The following PPP1R12A variants were observed in gnomAD, a reference collection of about 807,000 sequenced individuals.
PPP1R12A encodes the protein protein phosphatase 1 regulatory subunit 12A, also known as myosin binding subunit.
PPP1R12A carries 19 observed loss-of-function variants against 139.6 expected under a neutral mutation model. That is an observed-to-expected ratio of 0.14 (90% CI 0.09 to 0.20). PPP1R12A has a LOEUF of 0.20. Among genes scored for constraint, PPP1R12A ranks in the 10% least tolerant of loss-of-function variants. The probability of loss-of-function intolerance (pLI) is 1.00; values close to 1 mark genes in which losing one functional copy is unlikely to be tolerated. For missense variants in PPP1R12A, 925 were observed against 1,211.5 expected (o/e 0.76, Z 3.51); for synonymous variants, 427 against 420.6 (o/e 1.02, Z -0.19).
intron 1 of PPP1R12A, among the ~76,000 whole-genome samples, chr12:79,876,509 G>C (rs192318474): frequency 6.6e-6 from 1 of 152,166 alleles, no homozygotes; most frequent in Non-Finnish European, 1.5e-5. Context: ...TCACAGAGAT[G>C]CTCAGGTTCC....
At chr12:79,933,746 C>T (rs1036006654) in intron 1 of PPP1R12A, among the ~76,000 whole-genome samples, 1 of 152,204 alleles carries the variant, frequency 6.6e-6, no homozygotes, top group Non-Finnish European at 1.5e-5. Context: ...CCAATAGTTT[C>T]TCCTTATTTG....
intron 19 of PPP1R12A, among the ~76,000 whole-genome samples, chr12:79,790,853 T>TACTC (rs1346649860): frequency 6.6e-6 from 1 of 152,190 alleles, no homozygotes; most frequent in Admixed American, 6.5e-5. Context: ...TCTATTGAAA[T>TACTC]ACTCACTGAT....
chr12:79,837,877 T>A (rs1049347528), intron 3 of PPP1R12A, among the ~76,000 whole-genome samples: 10 of 152,234 alleles, frequency 6.6e-5, no homozygotes, highest in Non-Finnish European at 1.0e-4. Flanking sequence ...CTTTCCTTTA[T>A]AAATTACCCA....
chr12:79,869,934 T>A (rs1382142019), intron 2 of PPP1R12A, among the ~76,000 whole-genome samples: 2 of 150,100 alleles, frequency 1.3e-5, no homozygotes, highest in Non-Finnish European at 3.0e-5. Context: ...TTATTATTAT[T>A]ATAAGTGCTT....
intron 5 of PPP1R12A, 62 bp from the exon 6 acceptor site, chr12:79,822,252 A>T: frequency 8.7e-7 from 1 of 1,147,150 alleles, no homozygotes; most frequent in Non-Finnish European, 1.3e-6. Context: ...AAATGCCTTC[A>T]GTAATTCTGT....
intron 2 of PPP1R12A, among the ~76,000 whole-genome samples, chr12:79,857,538 T>G (rs2137265949): frequency 6.6e-6 from 1 of 151,916 alleles, no homozygotes; most frequent in African/African-American, 2.4e-5. Flanking sequence ...AACCTGCACA[T>G]TGTGCACATG....
chr12:79,860,300 CA>C (rs1881172922), intron 2 of PPP1R12A, among the ~76,000 whole-genome samples: 1 of 152,020 alleles, frequency 6.6e-6, no homozygotes, highest in Non-Finnish European at 1.5e-5. Flanking sequence ...CTATAACTTG[CA>C]ATAATACAAA....
rs1291017479 is a variant in PPP1R12A at position 79,805,743 on chromosome 12, C to T, written c.1849G>A (p.Asp617Asn). ...CTGTCCTTTTCTTTCTCAGTACTAT[C>T]CTCAGCCCACAAACGATTTGAGGTA... The part of the protein sequence containing the change: ...SSTSNRLWAE[D>N]STEKEKDSVP... The change falls in exon 14 of 25, where the codon GAT (aspartate) becomes AAT (asparagine). Residue 617 changes from aspartate to asparagine, a missense_variant. Asp to Asn is a conservative substitution (Grantham distance 23). This residue lies in a region of PPP1R12A where 403 missense variants were observed against 463.7 expected (regional missense o/e 0.87). Transcript: ENST00000450142. 1.2e-6 allele frequency: 2 copies of T among 1,612,888 alleles called. No homozygotes were observed. Among genetic ancestry groups the T allele is most frequent in the East Asian group, 2.2e-5 (1 of 44,816 alleles).
intron 2 of PPP1R12A, among the ~76,000 whole-genome samples, chr12:79,862,987 G>A (rs1239412225): frequency 1.3e-5 from 2 of 152,044 alleles, no homozygotes; most frequent in Non-Finnish European, 2.9e-5. Context: ...GATACTCCTC[G>A]AGAAGAGCAA....
At chr12:79,781,745 C>CA (rs1870471283) in intron 23 of PPP1R12A, 70 bp downstream of exon 23, 2 of 935,168 alleles carry the variant, frequency 2.1e-6, no homozygotes, top group Non-Finnish European at 3.1e-6. Flanking sequence ...AAAATAAAAA[C>CA]AAAAAACCTA....
At chr12:79,865,869 A>G (rs890603211) in intron 2 of PPP1R12A, among the ~76,000 whole-genome samples, 2 of 152,222 alleles carry the variant, frequency 1.3e-5, no homozygotes, top group Non-Finnish European at 2.9e-5. Flanking sequence ...GAAAGAATCA[A>G]TATCGTGAAA....
At chr12:79,930,501 G>T (rs1053584702) in intron 1 of PPP1R12A, among the ~76,000 whole-genome samples, 1 of 152,088 alleles carries the variant, frequency 6.6e-6, no homozygotes, top group Non-Finnish European at 1.5e-5. Context: ...GGCTAGGTGC[G>T]GTGGCTCACG....
intron 1 of PPP1R12A, among the ~76,000 whole-genome samples, chr12:79,877,007 T>C (rs1883172609): frequency 7.1e-6 from 1 of 141,112 alleles, no homozygotes; most frequent in Non-Finnish European, 1.5e-5. Context: ...CAAGACTCCA[T>C]CTCAGAAAAA....
intron 1 of PPP1R12A, among the ~76,000 whole-genome samples, chr12:79,902,785 T>TC (rs1885765335): frequency 6.6e-6 from 1 of 151,988 alleles, no homozygotes; most frequent in Non-Finnish European, 1.5e-5. Context: ...TACTCCCAAA[T>TC]CCAAAAATTT....
chr12:79,833,643 G>A (rs1176856199), intron 3 of PPP1R12A, among the ~76,000 whole-genome samples: 1 of 145,840 alleles, frequency 6.9e-6, no homozygotes, highest in East Asian at 2.0e-4. Flanking sequence ...TGGCCAAAAT[G>A]GTGACACCCC....
chr12:79,872,442 T>C (rs1458362222), intron 2 of PPP1R12A, among the ~76,000 whole-genome samples: 2 of 152,152 alleles, frequency 1.3e-5, no homozygotes, highest in African/African-American at 2.4e-5. Flanking sequence ...ATTCTCCCTA[T>C]AGCAATGTAA....
At chr12:79,782,885 TGTG>T (rs1870634476) in intron 22 of PPP1R12A, among the ~76,000 whole-genome samples, 1 of 152,216 alleles carries the variant, frequency 6.6e-6, no homozygotes, top group Non-Finnish European at 1.5e-5. Flanking sequence ...CACTGTTAAA[TGTG>T]GTAATTTTAA....
chr12:79,896,114 TAAG>T (rs1278135506), intron 1 of PPP1R12A, among the ~76,000 whole-genome samples: 6 of 152,124 alleles, frequency 3.9e-5, no homozygotes, highest in South Asian at 2.1e-4. Context: ...TAAGGAGAGA[TAAG>T]AAGAAGGGGT....
intron 1 of PPP1R12A, among the ~76,000 whole-genome samples, chr12:79,890,887 CCACCCACCCACACCCACCCA>C (rs1167172227): frequency 2.3e-5 from 3 of 129,088 alleles, no homozygotes; most frequent in African/African-American, 9.8e-5. Context: ...TACACACACA[CCACCCACCCACACCCACCCA>C]CACACACACA....
Sources: gnomAD v4.1 joint callset for allele counts (sites outside exome capture counted in the v4.1 genomes callset) on GRCh38, gnomAD v4.1.1 for gene constraint, gnomAD v4.1.1 regional missense constraint, MANE v1.5 for transcripts, NCBI Gene and HGNC (gene_info 2026-07-23, HGNC 2026-07-21) for gene names.